TTLL5: variants seen among roughly 807,000 people sequenced by gnomAD.
TTLL5 encodes tubulin tyrosine ligase like 5, also known as tubulin polyglutamylase TTLL5.
TTLL5 carries 132 observed loss-of-function variants against 168.4 expected under a neutral mutation model. The observed-to-expected ratio is 0.78, with a 90% CI of 0.68 to 0.91. The LOEUF is 0.91. TTLL5 is among the 40% of genes least tolerant of loss of function. The pLI is 0.00. For synonymous variants in TTLL5, 546 were observed against 558.6 expected (o/e 0.98, Z 0.32); for missense variants, 1,545 against 1,581.5 (o/e 0.98, Z 0.39).
intron 2 of TTLL5, among the ~76,000 whole-genome samples, chr14:75,665,266 A>AT (rs1358452161): frequency 6.6e-6 from 1 of 152,220 alleles, no homozygotes; most frequent in Non-Finnish European, 1.5e-5. Flanking sequence ...GGAAAGTTAA[A>AT]TTTTGTTTTC....
At chr14:75,915,932 A>AACCTGGG (rs1397328146) in intron 31 of TTLL5, among the ~76,000 whole-genome samples, 18 of 152,294 alleles carry the variant, frequency 1.2e-4, no homozygotes, top group African/African-American at 4.3e-4. Flanking sequence ...GTTCAAGACC[A>AACCTGGG]ACCTGGGCAA....
intron 27 of TTLL5, among the ~76,000 whole-genome samples, chr14:75,816,037 C>G (rs1433083085): frequency 6.6e-6 from 1 of 152,224 alleles, no homozygotes; most frequent in Non-Finnish European, 1.5e-5. Flanking sequence ...CTGCCACTTA[C>G]AGGTGTGTGA....
chr14:75,780,876 T>A (rs1402076688), intron 24 of TTLL5, among the ~76,000 whole-genome samples: 1 of 152,220 alleles, frequency 6.6e-6, no homozygotes, highest in Non-Finnish European at 1.5e-5. Context: ...TACTTTTTTT[T>A]ACTTAGCACC....
intron 18 of TTLL5, chr14:75,758,003 T>C: frequency 1.1e-6 from 1 of 911,284 alleles, no homozygotes; most frequent in Non-Finnish European, 1.5e-6. Context: ...ATTTTTTCTA[T>C]TGAAAAAGTG....
intron 27 of TTLL5, among the ~76,000 whole-genome samples, chr14:75,795,402 G>A (rs1892946478): frequency 6.6e-6 from 1 of 152,162 alleles, no homozygotes; most frequent in Non-Finnish European, 1.5e-5. Context: ...GTACATAGGT[G>A]TATATATTTA....
chr14:75,889,904 A>G (rs7153616), intron 30 of TTLL5, among the ~76,000 whole-genome samples: 113,428 of 129,554 alleles, frequency 0.88, 49,777 homozygotes, highest in Middle Eastern at 0.93. Flanking sequence ...AGGCAAAGAT[A>G]TACTCAAAGG....
At chr14:75,847,662 A>C (rs1038523157) in intron 28 of TTLL5, 1 of 152,026 alleles carries the variant, frequency 6.6e-6, no homozygotes, top group African/African-American at 2.4e-5. Context: ...GAGAAATGAA[A>C]TCACTTGCCC....
intron 12 of TTLL5, chr14:75,727,898 G>A: frequency 2.1e-6 from 1 of 474,400 alleles, no homozygotes; most frequent in South Asian, 1.5e-5. Context: ...AGCACAAGGA[G>A]TCCTTTTGGG....
At chr14:75,828,453 C>G (rs968059278) in intron 28 of TTLL5, among the ~76,000 whole-genome samples, 5 of 152,138 alleles carry the variant, frequency 3.3e-5, no homozygotes, top group African/African-American at 1.2e-4. Context: ...TATTCTCTAG[C>G]TTACTTTTTA....
At chr14:75,858,360 G>T (rs1208497181) in intron 28 of TTLL5, among the ~76,000 whole-genome samples, 1 of 152,226 alleles carries the variant, frequency 6.6e-6, no homozygotes, top group African/African-American at 2.4e-5. Context: ...AAATGCCAGT[G>T]CTACTTAAGA....
intron 31 of TTLL5, among the ~76,000 whole-genome samples, chr14:75,953,198 C>T (rs1401442061): frequency 6.6e-6 from 1 of 152,186 alleles, no homozygotes; most frequent in Non-Finnish European, 1.5e-5. Flanking sequence ...CAGTGGAATA[C>T]CATTGAATAC....
rs545195219 is a variant in TTLL5, at chr14:75,740,048, A to G, written c.1281+4759A>G. On this transcript the variant is annotated intron_variant, in intron 15 of 31. Transcript: ENST00000298832. Reference sequence around the variant, plus strand: ...TCACTTTCTAACTTGATTCACTGCTATTTATCTTGCAGTTACACTGTTTTC... The same window carrying G: ...TCACTTTCTAACTTGATTCACTGCTGTTTATCTTGCAGTTACACTGTTTTC... 2.3e-3 allele frequency among the ~76,000 whole-genome samples: 353 copies of G among 152,262 alleles called. 1 individual carries two copies. The highest frequency in any genetic ancestry group is 8.2e-3 in the African/African-American group (342 of 41,550).
rs759420778 is a variant in TTLL5 at position 75,752,968 on chromosome 14, T to A, written c.1550+13T>A. 3.1e-6 allele frequency: 5 copies of A among 1,610,866 alleles called. No individual in the cohort carries two copies. The South Asian group carries it at 5.5e-5, about 18-fold the overall frequency. On this transcript the variant is annotated intron_variant, in intron 18 of 31. Transcript: ENST00000298832. ...TCTTCCAGGACAGGTAGAGATTTGC[T>A]AAACTTTAAATTTAGGACTAGATCA...
At chr14:75,728,616 A>G (rs532830261) in intron 12 of TTLL5, among the ~76,000 whole-genome samples, 3 of 152,254 alleles carry the variant, frequency 2.0e-5, no homozygotes, top group East Asian at 1.9e-4. Flanking sequence ...CCAAAAGGCA[A>G]TTTGAATTAT....
chr14:75,840,308 A>T (rs923806341), intron 28 of TTLL5, among the ~76,000 whole-genome samples: 5 of 152,162 alleles, frequency 3.3e-5, no homozygotes, highest in African/African-American at 4.8e-5. Flanking sequence ...TACATGTGCC[A>T]TGGTGGTTTG....
intron 17 of TTLL5, 68 bp downstream of exon 17, chr14:75,745,649 C>G: frequency 1.7e-6 from 2 of 1,199,688 alleles, no homozygotes; most frequent in Non-Finnish European, 2.4e-6. Flanking sequence ...TTGTGATACA[C>G]TGTCATCACT....
intron 28 of TTLL5, among the ~76,000 whole-genome samples, chr14:75,845,141 GT>G (rs1314678950): frequency 2.0e-5 from 3 of 152,280 alleles, no homozygotes; most frequent in South Asian, 4.1e-4. Context: ...CCCTTCTCTT[GT>G]TTTCTAAAGC....
chr14:75,745,642 T>G, intron 17 of TTLL5, 61 bp downstream of exon 17: 1 of 1,359,498 alleles, frequency 7.4e-7, no homozygotes, highest in South Asian at 1.2e-5. Flanking sequence ...AGATTAATTG[T>G]GATACACTGT....
At chr14:75,694,880 G>A (rs753134865) in intron 6 of TTLL5, among the ~76,000 whole-genome samples, 29 of 151,874 alleles carry the variant, frequency 1.9e-4, no homozygotes, top group South Asian at 8.3e-4. Flanking sequence ...TCTTAATCCC[G>A]TCATCTTCAT....
Sources: allele counts gnomAD v4.1 joint callset (sites outside exome capture counted in the v4.1 genomes callset), GRCh38; gene constraint gnomAD v4.1.1; transcripts MANE v1.5; gene names NCBI Gene and HGNC (gene_info 2026-07-23, HGNC 2026-07-21).